The following TRIML2 variants were observed in gnomAD, a reference collection of about 807,000 sequenced individuals.
TRIML2 encodes the protein probable E3 ubiquitin-protein ligase TRIML2.
TRIML2 carries 28 observed loss-of-function variants against 31.2 expected under a neutral mutation model. The ratio of observed to expected loss-of-function variants is 0.90; its 90% CI spans 0.66 to 1.23. The LOEUF (loss-of-function observed/expected upper bound fraction) is 1.23, where lower values mean the gene tolerates loss of function less well. Among genes scored for constraint, TRIML2 ranks in the 50% most tolerant of loss-of-function variants. The probability of loss-of-function intolerance (pLI) is 0.00; values close to 1 mark genes in which losing one functional copy is unlikely to be tolerated. For missense variants in TRIML2, 536 were observed against 528.3 expected, an observed-to-expected ratio of 1.01 and a Z score of -0.14; for synonymous variants, 187 against 197.5, an observed-to-expected ratio of 0.95 and a Z score of 0.45.
intron 3 of TRIML2, 77 bp from the exon 4 acceptor site, chr4:188,101,327 A>C (rs1482105437): frequency 4.3e-5 from 30 of 699,742 alleles, no homozygotes; most frequent in Non-Finnish European, 6.6e-5. Flanking sequence ...TAATAGATAG[A>C]TATCTATATC....
At chr4:188,104,736 C>T in intron 3 of TRIML2, 101 bp downstream of exon 3, 1 of 997,538 alleles carries the variant, frequency 1.0e-6, no homozygotes. Context: ...TCACATTTTT[C>T]CTGCTTTGTG....
chr4:188,108,975 C>G (rs35306370), intron 1 of TRIML2, among the ~76,000 whole-genome samples: 1 of 151,864 alleles, frequency 6.6e-6, no homozygotes, highest in African/African-American at 2.4e-5. Flanking sequence ...ATATTGTAAA[C>G]GATATTTTAT....
intron 2 of TRIML2, 52 bp from the exon 3 acceptor site, chr4:188,104,984 G>C: frequency 3.9e-6 from 6 of 1,539,310 alleles, no homozygotes; most frequent in Non-Finnish European, 5.4e-6. Context: ...AGAACAGTTG[G>C]ATTCCTGACC....
intron 7 of TRIML2, among the ~76,000 whole-genome samples, chr4:188,093,649 G>A (rs1056911585): frequency 3.3e-5 from 5 of 151,876 alleles, no homozygotes; most frequent in Admixed American, 6.6e-5. Context: ...GCAACAGAGC[G>A]AGGCTCATCT....
chr4:188,091,329 C>T lies in TRIML2; in HGVS notation c.*44G>A, dbSNP rs756670526. The T allele has an allele frequency of 6.4e-7, 1 of 1,559,002 alleles. No individual in the cohort carries two copies. The highest frequency in any genetic ancestry group is 2.3e-5 in the East Asian group (1 of 44,252). On this transcript the variant is annotated 3_prime_UTR_variant, in exon 8 of 8. Coordinates refer to ENST00000682553, the MANE Select transcript of TRIML2 (RefSeq NM_173553.4). ...CAAATTCTTTCAAAGTCTTGTTCTCCAACTTTCTGGTGTCTCGTGGTCTTG... is the reference window on the plus strand; with the variant it reads ...CAAATTCTTTCAAAGTCTTGTTCTCTAACTTTCTGGTGTCTCGTGGTCTTG...
intron 3 of TRIML2, among the ~76,000 whole-genome samples, chr4:188,102,975 C>A: frequency 6.6e-6 from 1 of 150,840 alleles, no homozygotes; most frequent in East Asian, 1.9e-4. Flanking sequence ...TCCCTTTGCA[C>A]GTCTCTCCAC....
chr4:188,102,445 T>C (rs1733841162), intron 3 of TRIML2, among the ~76,000 whole-genome samples: 1 of 152,100 alleles, frequency 6.6e-6, no homozygotes, highest in Non-Finnish European at 1.5e-5. Flanking sequence ...CAAGTAAAGA[T>C]AGTAAGTAGG....
Position 188,099,103 on chromosome 4 carries a change from G to A in TRIML2, c.553C>T (p.Arg185Cys), listed in dbSNP as rs769283563. 1.5e-5 allele frequency: 25 copies of A among 1,613,922 alleles called. No homozygotes were observed. The East Asian group carries it at 2.5e-4, about 16-fold the overall frequency. Residue 185 changes from arginine (R) to cysteine (C), a missense_variant, in exon 5 of 8, where the codon CGC (arginine) becomes TGC (cysteine). Transcript: ENST00000682553. Reference protein sequence around the residue: ...ESEARASEQVRSLLKLIVELE... With the variant: ...ESEARASEQVCSLLKLIVELE... Reference sequence around the variant, plus strand: ...TCCACGATGAGCTTTAGGAGGCTGCGGACCTGTTCAGAAGCCCTGGCTTCA... The same window carrying A: ...TCCACGATGAGCTTTAGGAGGCTGCAGACCTGTTCAGAAGCCCTGGCTTCA...
chr4:188,099,554 A>G (rs1027169946), intron 4 of TRIML2, among the ~76,000 whole-genome samples: 1 of 146,196 alleles, frequency 6.8e-6, no homozygotes, highest in Non-Finnish European at 1.5e-5. Context: ...ACAGAGCAAG[A>G]CTCCAAATCA....
intron 2 of TRIML2, 48 bp downstream of exon 2, chr4:188,105,132 T>C: frequency 3.2e-6 from 5 of 1,570,884 alleles, no homozygotes; most frequent in Non-Finnish European, 4.4e-6. Flanking sequence ...ATTTCATCCA[T>C]ATAGGAGTTG....
chr4:188,103,036 G>A (rs1733870347), intron 3 of TRIML2, among the ~76,000 whole-genome samples: 3 of 128,800 alleles, frequency 2.3e-5, no homozygotes, highest in African/African-American at 5.8e-5. Flanking sequence ...TTTTTGAGAC[G>A]GAGTCTCGCT....
At position 188,099,054 on chromosome 4, in the gene TRIML2, C is replaced by G. The variant is rs1317643370; in HGVS notation, c.602G>C (p.Gly201Ala). The change falls in exon 5 of 8, where the codon GGC becomes GCC. Residue 201 changes from glycine (G) to alanine (A), a missense_variant. Transcript: ENST00000682553. ...TCTTACCTTGAGCAATGCCAAGGTGCCTTCCCCACACTTTTTCTCAAGCTC... is the reference window on the plus strand; with the variant it reads ...TCTTACCTTGAGCAATGCCAAGGTGGCTTCCCCACACTTTTTCTCAAGCTC... ...IVELEKKCGE[G>A]TLALLKNAKY... is the part of the protein sequence containing the mutation. 3.7e-6 allele frequency: 6 copies of G among 1,613,952 alleles called. No individual in the cohort carries two copies. The Admixed American group carries it at 6.7e-5, about 18-fold the overall frequency.
intron 6 of TRIML2, 23 bp downstream of exon 6, chr4:188,097,301 T>C (rs1005724282): frequency 5.6e-5 from 91 of 1,613,162 alleles, no homozygotes; most frequent in Non-Finnish European, 7.5e-5. Flanking sequence ...TCTCACCCAA[T>C]TGTATCCAAA....
Position 188,091,848 on chromosome 4 carries a change from C to A in TRIML2, c.839G>T (p.Gly280Val), listed in dbSNP as rs1733276046. 2 of 1,614,148 alleles carry A rather than the reference C, an allele frequency of 1.2e-6. No individual in the cohort carries two copies. Among genetic ancestry groups the A allele is most frequent in the Non-Finnish European group, 1.7e-6 (2 of 1,180,048 alleles). Residue 280 changes from glycine to valine, a missense_variant, in exon 8 of 8, where the codon GGG becomes GTG. Gly to Val is a moderately radical substitution (Grantham distance 109, BLOSUM62 -3). Coordinates refer to ENST00000682553, the MANE Select transcript of TRIML2 (RefSeq NM_173553.4). ...ATCCAATCTTTCTGGGTTGCCAGCC[C>A]CATCCTGCTGCCCATGTCTCAATCT... ...TMRLRHGQQD[G>V]AGNPERLDFS... is the part of the protein sequence containing the mutation.
chr4:188,097,262 T>C (rs764237804), intron 6 of TRIML2, 62 bp downstream of exon 6: 2 of 1,604,114 alleles, frequency 1.2e-6, no homozygotes, highest in Non-Finnish European at 8.5e-7. Context: ...AATCTCCCTA[T>C]CTCAATCAAC....
At chr4:188,093,842 C>T (rs980402557) in intron 7 of TRIML2, among the ~76,000 whole-genome samples, 1 of 151,920 alleles carries the variant, frequency 6.6e-6, no homozygotes, top group Non-Finnish European at 1.5e-5. Context: ...CGGTGGCTCA[C>T]GCCTTTAATC....
chr4:188,094,103 C>CAAA (rs763257911), intron 7 of TRIML2, among the ~76,000 whole-genome samples: 2,301 of 143,380 alleles, frequency 0.016, 115 homozygotes, highest in African/African-American at 0.057. Context: ...AAAACAAAAA[C>CAAA]AAAAACAAAA....
intron 1 of TRIML2, among the ~76,000 whole-genome samples, chr4:188,108,257 C>G (rs1037828786): frequency 2.6e-5 from 4 of 152,086 alleles, no homozygotes; most frequent in Non-Finnish European, 4.4e-5. Context: ...GTTCCATTCT[C>G]CGATTTCAAT....
At chr4:188,094,483 A>G (rs1733413518) in intron 7 of TRIML2, among the ~76,000 whole-genome samples, 1 of 152,240 alleles carries the variant, frequency 6.6e-6, no homozygotes, top group African/African-American at 2.4e-5. Context: ...CTTGCAATGA[A>G]CTAGAAATGA....
Sources: gnomAD v4.1 joint callset for allele counts (sites outside exome capture counted in the v4.1 genomes callset) on GRCh38, gnomAD v4.1.1 for gene constraint, MANE v1.5 for transcripts, NCBI Gene and HGNC (gene_info 2026-07-23, HGNC 2026-07-21) for gene names.